Variants in CCSER1 observed in about 807,000 individuals in gnomAD.
CCSER1 encodes the protein serine-rich coiled-coil domain-containing protein 1.
In CCSER1, 41 loss-of-function variants were observed where a neutral mutation model predicts 82.0. That is an observed-to-expected ratio of 0.50 (90% CI 0.39 to 0.65). The LOEUF is 0.65. CCSER1 is among the 30% of genes least tolerant of loss of function. The pLI is 0.00. For synonymous variants in CCSER1, 414 were observed against 383.9 expected (o/e 1.08, Z -0.92); for missense variants, 1,119 against 1,064.2 (o/e 1.05, Z -0.72).
intron 10 of CCSER1, among the ~76,000 whole-genome samples, chr4:91,440,322 C>T (rs552752398): frequency 4.6e-4 from 70 of 152,182 alleles, no homozygotes; most frequent in African/African-American, 1.5e-3. Context: ...CACTCAAAAC[C>T]GCTCAACTAC....
At chr4:91,428,906 T>A (rs1047478382) in intron 10 of CCSER1, among the ~76,000 whole-genome samples, 24 of 152,032 alleles carry the variant, frequency 1.6e-4, no homozygotes, top group African/African-American at 5.6e-4. Context: ...GCAATCAACA[T>A]CTTCCTGTTT....
At chr4:90,878,872 G>T (rs1212679116) in intron 8 of CCSER1, among the ~76,000 whole-genome samples, 1 of 152,126 alleles carries the variant, frequency 6.6e-6, no homozygotes. Context: ...CTTAATAATT[G>T]TGAAACATTT....
rs185322536 is a variant in CCSER1, at chr4:91,160,051, C to G, written c.2217+74057C>G. On this transcript the variant is annotated intron_variant, in intron 10 of 10. Transcript: ENST00000509176. ...TCCTAATGCTATCCCTCCCCCTGCC[C>G]CCACCCCATGACAGGCCCCCATGTG... Among the ~76,000 whole-genome samples the G allele has an allele frequency of 1.2e-4, 18 of 149,054 alleles. No individual in the cohort carries two copies. The East Asian group carries it at 3.5e-3, about 29-fold the overall frequency.
Position 91,185,645 on chromosome 4 carries a change from G to A in CCSER1, c.2217+99651G>A, listed in dbSNP as rs576174915. 1.4e-4 allele frequency among the ~76,000 whole-genome samples: 21 copies of A among 152,326 alleles called. No individual in the cohort carries two copies. In the South Asian group the frequency reaches 3.7e-3, roughly 27 times the overall value. Reference sequence around the variant, plus strand: ...CCCTCATGGCATTTCCCAAAATCAGGTTCCCTTCTTTATCAAACTTAGGGT... The same window carrying A: ...CCCTCATGGCATTTCCCAAAATCAGATTCCCTTCTTTATCAAACTTAGGGT... On this transcript the variant is annotated intron_variant, in intron 10 of 10. Transcript: ENST00000509176.
intron 8 of CCSER1, among the ~76,000 whole-genome samples, chr4:90,909,542 G>A (rs1413639081): frequency 1.3e-5 from 2 of 152,162 alleles, no homozygotes; most frequent in East Asian, 3.9e-4. Flanking sequence ...GAGGGGCAGA[G>A]CCAAAGCAAT....
intron 10 of CCSER1, among the ~76,000 whole-genome samples, chr4:91,405,773 G>A (rs1752660876): frequency 6.6e-6 from 1 of 152,178 alleles, no homozygotes. Flanking sequence ...GGTACCATCT[G>A]TCATGGCTTC....
intron 10 of CCSER1, among the ~76,000 whole-genome samples, chr4:91,166,212 G>A (rs10024581): frequency 0.72 from 109,634 of 152,114 alleles, 39,861 homozygotes; most frequent in Non-Finnish European, 0.78. Flanking sequence ...ATTTCAAGAG[G>A]CATATTGGTT....
chr4:91,393,493 A>G (rs551442875), intron 10 of CCSER1, among the ~76,000 whole-genome samples: 3 of 152,210 alleles, frequency 2.0e-5, no homozygotes, highest in South Asian at 2.1e-4. Context: ...ATATTTTGCA[A>G]TGAAATCCAC....
At chr4:91,061,373 G>A (rs1443765956) in intron 9 of CCSER1, among the ~76,000 whole-genome samples, 1 of 151,780 alleles carries the variant, frequency 6.6e-6, no homozygotes, top group African/African-American at 2.4e-5. Context: ...ACTTAATCCG[G>A]TGGCTCCAGC....
chr4:90,177,719 A>G (rs776394790), intron 1 of CCSER1, among the ~76,000 whole-genome samples: 41 of 152,094 alleles, frequency 2.7e-4, no homozygotes, highest in Non-Finnish European at 2.4e-4. Context: ...TTTCTTCACA[A>G]GACTAGCTCT....
chr4:91,246,473 C>T (rs1581836448), intron 10 of CCSER1, among the ~76,000 whole-genome samples: 1 of 152,118 alleles, frequency 6.6e-6, no homozygotes, highest in Admixed American at 6.6e-5. Flanking sequence ...GGCAAGAAGA[C>T]TGGAGATTCC....
intron 9 of CCSER1, among the ~76,000 whole-genome samples, chr4:91,020,902 T>C (rs1739899591): frequency 6.6e-6 from 1 of 152,184 alleles, no homozygotes. Flanking sequence ...ATCTACTTAC[T>C]ATACACTATA....
chr4:91,109,489 TA>T lies in CCSER1; in HGVS notation c.2217+23506del, dbSNP rs564833895. On this transcript the variant is annotated intron_variant, in intron 10 of 10. Transcript: ENST00000509176. ...TTATTGAGGGTAGGTAGTCCTAAGT[TA>T]AAAAAAAAAAGTGTCAAAAGTGTAG... 3.1e-3 allele frequency among the ~76,000 whole-genome samples: 445 copies of T among 144,444 alleles called. 1 individual carries two copies. Among genetic ancestry groups the T allele is most frequent in the African/African-American group, 7.6e-3 (300 of 39,626 alleles). 94.8% of individuals were successfully genotyped at this position (144,444 alleles called of 152,430 possible).
At chr4:90,418,275 T>A (rs1756118399) in intron 4 of CCSER1, among the ~76,000 whole-genome samples, 1 of 152,072 alleles carries the variant, frequency 6.6e-6, no homozygotes, top group South Asian at 2.1e-4. Context: ...AATATGCATG[T>A]AAAATGTGAT....
intron 10 of CCSER1, among the ~76,000 whole-genome samples, chr4:91,492,858 A>G (rs1758620144): frequency 6.6e-6 from 1 of 152,026 alleles, no homozygotes; most frequent in African/African-American, 2.4e-5. Flanking sequence ...AGATCTGAGA[A>G]AGTACATGAT....
Position 91,588,034 on chromosome 4 carries a change from T to A in CCSER1, c.2218-10538T>A, listed in dbSNP as rs1000275857. Among the ~76,000 whole-genome samples the A allele has an allele frequency of 4.0e-5, 6 of 151,636 alleles. No individual in the cohort carries two copies. The South Asian group carries it at 1.2e-3, about 31-fold the overall frequency. On this transcript the variant is annotated intron_variant, in intron 10 of 10. Transcript: ENST00000509176. ...CAATAAAATGAAAATAATTGACAAT[T>A]ATTTTAGATCTTTGCAATTGTAAGC...
chr4:90,936,818 A>C (rs1430401271), intron 9 of CCSER1, among the ~76,000 whole-genome samples: 1 of 152,160 alleles, frequency 6.6e-6, no homozygotes, highest in Non-Finnish European at 1.5e-5. Flanking sequence ...CTTAATGTTT[A>C]ATTCTTAGTC....
chr4:90,738,436 T>G (rs757369177), intron 7 of CCSER1, among the ~76,000 whole-genome samples: 1 of 152,056 alleles, frequency 6.6e-6, no homozygotes, highest in Non-Finnish European at 1.5e-5. Context: ...CATACAGAGA[T>G]TCTTGTTGTT....
intron 5 of CCSER1, among the ~76,000 whole-genome samples, chr4:90,485,318 C>T (rs1578734790): frequency 6.6e-6 from 1 of 152,338 alleles, no homozygotes; most frequent in Non-Finnish European, 1.5e-5. Flanking sequence ...ACCCGTTGCA[C>T]TTCCCAGGTG....
Sources: allele counts gnomAD v4.1 joint callset (sites outside exome capture counted in the v4.1 genomes callset), GRCh38; gene constraint gnomAD v4.1.1; transcripts MANE v1.5; gene names NCBI Gene and HGNC (gene_info 2026-07-23, HGNC 2026-07-21).